CTH: variants seen among roughly 807,000 people sequenced by gnomAD.
CTH encodes cystathionase (cystathionine gamma-lyase).
Under a neutral mutation model 50.6 loss-of-function variants are expected in CTH, and 41 were observed. The observed-to-expected ratio is 0.81, with a 90% CI of 0.63 to 1.05. The LOEUF (loss-of-function observed/expected upper bound fraction) is 1.05. Among genes scored for constraint, CTH ranks in the 50% least tolerant of loss-of-function variants. CTH has a pLI of 0.00. For missense variants in CTH, 470 were observed against 492.6 expected, an observed-to-expected ratio of 0.95 and a Z score of 0.43; for synonymous variants, 156 against 168.9, an observed-to-expected ratio of 0.92 and a Z score of 0.59.
chr1:70,416,010 G>T lies in CTH; in HGVS notation c.223G>T (p.Val75Leu), dbSNP rs1438791384. ...NPTRNCLEKA[V>L]AALDGAKYCL... The stretch of plus-strand genomic sequence containing the variant: ...CACTAGGAATTGCCTTGAAAAAGCA[G>T]TGGCAGCACTGGATGGGGCTAAGTA... The change falls in exon 2 of 12, where the codon GTG becomes TTG. Residue 75 changes from valine to leucine, a missense_variant. Physicochemically the swap from Val to Leu is conservative, Grantham distance 32. Transcript: ENST00000370938. 6.2e-7 allele frequency: 1 copy of T among 1,606,154 alleles called. No homozygotes were observed. The highest frequency in any genetic ancestry group is 8.5e-7 in the Non-Finnish European group (1 of 1,172,738).
chr1:70,418,122 A>G, intron 3 of CTH, 90 bp downstream of exon 3: 1 of 1,436,254 alleles, frequency 7.0e-7, no homozygotes, highest in Non-Finnish European at 9.7e-7. Flanking sequence ...TGTTGCCAGT[A>G]TTTTTGATTA....
intron 3 of CTH, among the ~76,000 whole-genome samples, chr1:70,420,010 T>C (rs1465652629): frequency 6.6e-6 from 1 of 151,802 alleles, no homozygotes; most frequent in Non-Finnish European, 1.5e-5. Context: ...TTTTTTTTTT[T>C]TGAGGTGGAG....
At position 70,439,306 on chromosome 1, in the gene CTH, A is replaced by G. The variant is rs964873049; in HGVS notation, c.*179A>G. On this transcript the variant is annotated 3_prime_UTR_variant, in exon 12 of 12. Coordinates refer to ENST00000370938, the MANE Select transcript of CTH (RefSeq NM_001902.6). ...TCTGTTAAAAAGTTTTCTGTATGTC[A>G]TGTTATAATTACAGGTCAATTCTGT... The G allele has an allele frequency of 3.1e-5, 20 of 640,504 alleles. No homozygotes were observed. In the African/African-American group the frequency reaches 3.6e-4, roughly 12 times the overall value. The allele number at this position is 640,504 out of a possible 1,614,324, so 39.7% of individuals were successfully genotyped here. A position where few individuals can be genotyped will look rare whatever the true frequency, so the allele number is the denominator to read the frequency against.
At chr1:70,438,977 A>G (rs2101765624) in intron 11 of CTH, 124 bp from the exon 12 acceptor site, 3 of 1,560,804 alleles carry the variant, frequency 1.9e-6, no homozygotes, top group South Asian at 2.2e-5. Flanking sequence ...AAATAAACGT[A>G]TAGGGAGCTC....
At chr1:70,418,167 A>C (rs565931949) in intron 3 of CTH, 135 bp downstream of exon 3, 9 of 1,014,458 alleles carry the variant, frequency 8.9e-6, no homozygotes, top group African/African-American at 8.1e-5. Context: ...AGGTACCTCT[A>C]TGCTCTCTCA....
intron 4 of CTH, 95 bp downstream of exon 4, chr1:70,421,770 C>T: frequency 1.6e-6 from 2 of 1,285,032 alleles, no homozygotes; most frequent in Non-Finnish European, 2.2e-6. Flanking sequence ...ATGTGAATAA[C>T]AAATTTTATT....
chr1:70,431,779 C>A (rs918893935), intron 7 of CTH, among the ~76,000 whole-genome samples: 3 of 152,124 alleles, frequency 2.0e-5, no homozygotes, highest in African/African-American at 7.2e-5. Context: ...AGGCTATGAA[C>A]AATTTATGAT....
chr1:70,437,195 T>C (rs1023869705), intron 10 of CTH, among the ~76,000 whole-genome samples: 2 of 152,212 alleles, frequency 1.3e-5, no homozygotes, highest in African/African-American at 4.8e-5. Flanking sequence ...ACATAGCTCT[T>C]AGGTTTGTTG....
intron 6 of CTH, 79 bp downstream of exon 6, chr1:70,429,930 T>G: frequency 9.9e-7 from 1 of 1,011,422 alleles, no homozygotes. Context: ...CCCTTTTCTT[T>G]GATTATTTTG....
intron 4 of CTH, 147 bp from the exon 5 acceptor site, chr1:70,424,138 A>G: frequency 3.4e-6 from 5 of 1,451,554 alleles, no homozygotes; most frequent in Non-Finnish European, 4.7e-6. Flanking sequence ...TTTGCAGGTA[A>G]GGCTGGGATT....
chr1:70,423,897 T>A (rs1684286244), intron 4 of CTH, among the ~76,000 whole-genome samples: 1 of 152,240 alleles, frequency 6.6e-6, no homozygotes, highest in African/African-American at 2.4e-5. Context: ...AATTCTAGGA[T>A]GTATTCTTAC....
chr1:70,422,953 A>G (rs1245001733), intron 4 of CTH, among the ~76,000 whole-genome samples: 1 of 152,158 alleles, frequency 6.6e-6, no homozygotes, highest in African/African-American at 2.4e-5. Context: ...TTATGAGTAC[A>G]GTAAGTCTTG....
intron 7 of CTH, 42 bp from the exon 8 acceptor site, chr1:70,432,041 T>C (rs1489422407): frequency 1.9e-6 from 3 of 1,610,894 alleles, no homozygotes; most frequent in Non-Finnish European, 2.5e-6. Flanking sequence ...TTCTTGGCCA[T>C]ACCCTGCCTT....
chr1:70,433,146 TA>T (rs1314656031), intron 8 of CTH, among the ~76,000 whole-genome samples: 4 of 152,210 alleles, frequency 2.6e-5, no homozygotes, highest in Non-Finnish European at 5.9e-5. Flanking sequence ...CTTTTCTTTT[TA>T]GATCCTTTTG....
At position 70,439,146 on chromosome 1, in the gene CTH, A is replaced by G. The variant is rs1011143408; in HGVS notation, c.*19A>G. On this transcript the variant is annotated 3_prime_UTR_variant, in exon 12 of 12. Coordinates refer to ENST00000370938, the MANE Select transcript of CTH (RefSeq NM_001902.6). The stretch of plus-strand genomic sequence containing the variant: ...CAGCTAGTATTCCAGAGCTGCTATT[A>G]GAAGCTGCTTCCTGTGAAGATCAAA... 6.2e-7 allele frequency: 1 copy of G among 1,608,596 alleles called. No individual in the cohort carries two copies. Among genetic ancestry groups the G allele is most frequent in the African/African-American group, 1.3e-5 (1 of 74,954 alleles).
intron 1 of CTH, among the ~76,000 whole-genome samples, chr1:70,415,609 T>C (rs1484794610): frequency 6.6e-6 from 1 of 152,234 alleles, no homozygotes; most frequent in African/African-American, 2.4e-5. Flanking sequence ...AAACATGTAG[T>C]GAATTTGTGC....
At position 70,424,418 on chromosome 1, in the gene CTH, T is replaced by A. The variant is rs1294037799; in HGVS notation, c.588+2T>A. On this transcript the variant is annotated splice_donor_variant, in intron 5 of 11. Coordinates refer to ENST00000370938, the MANE Select transcript of CTH (RefSeq NM_001902.6). LOFTEE classifies it high-confidence loss of function. ...ACTTTTATGTCACCATATTTCCAGG[T>A]AAATGAAAATAATTTTTTTTGGCAC... is the stretch of plus-strand genomic sequence containing the variant. 1 of 1,613,926 alleles carries A rather than the reference T, an allele frequency of 6.2e-7. No individual in the cohort carries two copies. The highest frequency in any genetic ancestry group is 8.5e-7 in the Non-Finnish European group (1 of 1,179,896).
intron 1 of CTH, 21 bp from the exon 2 acceptor site, chr1:70,415,935 A>C: frequency 7.0e-7 from 1 of 1,420,908 alleles, no homozygotes; most frequent in Non-Finnish European, 1.0e-6. Flanking sequence ...CTTAGGATGA[A>C]CTCGAACTTG....
chr1:70,434,002 T>A lies in CTH; in HGVS notation c.999+53T>A, dbSNP rs552955897. 3.7e-6 allele frequency: 6 copies of A among 1,607,912 alleles called. No individual in the cohort carries two copies. The African/African-American group carries it at 8.0e-5, about 21-fold the overall frequency. ...GTAGGAGGTAAGGCCTTACAGCAGT[T>A]CACTATCTCTCACTTCTACTCAAGC... On this transcript the variant is annotated intron_variant, in intron 9 of 11. Coordinates refer to ENST00000370938, the MANE Select transcript of CTH (RefSeq NM_001902.6).
Sources: allele counts gnomAD v4.1 joint callset (sites outside exome capture counted in the v4.1 genomes callset), GRCh38; gene constraint gnomAD v4.1.1; transcripts MANE v1.5; gene names NCBI Gene and HGNC (gene_info 2026-07-23, HGNC 2026-07-21).